Variants in PCDH15 observed in about 807,000 individuals in gnomAD.
PCDH15 encodes protocadherin related 15.
In PCDH15, 129 loss-of-function variants were observed where a neutral mutation model predicts 178.5. The ratio of observed to expected loss-of-function variants is 0.72; its 90% confidence interval spans 0.63 to 0.84. PCDH15 has a LOEUF of 0.84. PCDH15 is among the 40% of genes least tolerant of loss of function. The pLI is 0.00. For synonymous variants in PCDH15, 800 were observed against 732.0 expected (o/e 1.09, Z -1.50); for missense variants, 2,230 against 2,099.9 (o/e 1.06, Z -1.21).
At chr10:55,603,590 C>G (rs572513455) in intron 2 of PCDH15, among the ~76,000 whole-genome samples, 6 of 151,828 alleles carry the variant, frequency 4.0e-5, no homozygotes, top group South Asian at 2.1e-4. Context: ...GGCCAATATT[C>G]AACATTCTTA....
chr10:53,995,514 A>G, intron 21 of PCDH15, 135 bp downstream of exon 21: 2 of 1,510,558 alleles, frequency 1.3e-6, no homozygotes, highest in Non-Finnish European at 1.8e-6. Flanking sequence ...AAATAAGTAA[A>G]AGAACATAAA....
At chr10:54,375,971 T>G (rs1948367755) in intron 4 of PCDH15, among the ~76,000 whole-genome samples, 1 of 151,398 alleles carries the variant, frequency 6.6e-6, no homozygotes, top group Non-Finnish European at 1.5e-5. Context: ...CTTGGTTCAC[T>G]GCAACCTCCG....
chr10:55,162,763 A>G (rs1471178205), intron 2 of PCDH15, among the ~76,000 whole-genome samples: 1 of 152,026 alleles, frequency 6.6e-6, no homozygotes, highest in Non-Finnish European at 1.5e-5. Flanking sequence ...ATGTCTTCCT[A>G]TTGTCAATGG....
chr10:54,277,939 A>G (rs904725234), intron 8 of PCDH15, among the ~76,000 whole-genome samples: 1 of 151,566 alleles, frequency 6.6e-6, no homozygotes, highest in African/African-American at 2.4e-5. Flanking sequence ...AAAATAGCAC[A>G]CATTTGTAAT....
intron 2 of PCDH15, among the ~76,000 whole-genome samples, chr10:54,594,109 C>T (rs890275080): frequency 1.3e-5 from 2 of 152,032 alleles, no homozygotes; most frequent in African/African-American, 2.4e-5. Context: ...GTGAGTTGAA[C>T]AGAAATGAGC....
At chr10:53,916,167 T>C (rs1383934676) in intron 25 of PCDH15, among the ~76,000 whole-genome samples, 5 of 152,332 alleles carry the variant, frequency 3.3e-5, no homozygotes, top group Admixed American at 3.3e-4. Context: ...TGCATGTTCA[T>C]TGTAGACACA....
chr10:53,941,314 C>T (rs1273813512), intron 23 of PCDH15, among the ~76,000 whole-genome samples: 1 of 152,080 alleles, frequency 6.6e-6, no homozygotes, highest in Non-Finnish European at 1.5e-5. Flanking sequence ...ATCCTCTGTG[C>T]CCTGTATATT....
intron 1 of PCDH15, among the ~76,000 whole-genome samples, chr10:54,794,517 A>C (rs1951768749): frequency 6.6e-6 from 1 of 151,864 alleles, no homozygotes; most frequent in Admixed American, 6.6e-5. Flanking sequence ...CACCAATGCA[A>C]CTATAGCTAA....
At chr10:55,386,334 G>A (rs975958522) in intron 2 of PCDH15, among the ~76,000 whole-genome samples, 2 of 151,778 alleles carry the variant, frequency 1.3e-5, no homozygotes, top group Admixed American at 1.3e-4. Flanking sequence ...CTTTCTTCAA[G>A]CCATGTATCA....
chr10:54,073,621 G>C (rs1437564686), intron 17 of PCDH15, among the ~76,000 whole-genome samples: 4 of 152,148 alleles, frequency 2.6e-5, no homozygotes, highest in African/African-American at 4.8e-5. Context: ...TATTACAAGT[G>C]TTCAGACTGA....
At chr10:54,620,915 GATTT>G (rs1390532777) in intron 2 of PCDH15, among the ~76,000 whole-genome samples, 2 of 151,798 alleles carry the variant, frequency 1.3e-5, no homozygotes, top group South Asian at 2.1e-4. Context: ...CATAAAAGAA[GATTT>G]ATTACTATTT....
At chr10:55,027,849 AT>A (rs1019160564) in intron 2 of PCDH15, among the ~76,000 whole-genome samples, 1 of 151,812 alleles carries the variant, frequency 6.6e-6, no homozygotes, top group African/African-American at 2.4e-5. Context: ...ATATTTTAAT[AT>A]TTTTCAATAT....
chr10:54,228,609 A>G (rs2053717669), intron 9 of PCDH15, among the ~76,000 whole-genome samples: 1 of 152,164 alleles, frequency 6.6e-6, no homozygotes, highest in Non-Finnish European at 1.5e-5. Context: ...CAGGGGAGTC[A>G]TTGGTATAAG....
At chr10:54,128,601 A>G (rs1054923881) in intron 15 of PCDH15, among the ~76,000 whole-genome samples, 1 of 152,178 alleles carries the variant, frequency 6.6e-6, no homozygotes, top group African/African-American at 2.4e-5. Flanking sequence ...TGGACTAGCA[A>G]CAATTTCAAC....
intron 5 of PCDH15, among the ~76,000 whole-genome samples, chr10:54,351,660 C>T (rs971436605): frequency 6.6e-6 from 1 of 152,176 alleles, no homozygotes; most frequent in Non-Finnish European, 1.5e-5. Context: ...CCTCGGACAA[C>T]CTCACTTTTA....
chr10:54,666,617 A>T (rs1245663582), intron 1 of PCDH15, among the ~76,000 whole-genome samples: 4 of 152,054 alleles, frequency 2.6e-5, no homozygotes, highest in Admixed American at 6.6e-5. Flanking sequence ...AAGAAATAAA[A>T]CAATGTTATT....
chr10:53,921,859 A>G (rs1358182281), intron 25 of PCDH15, among the ~76,000 whole-genome samples: 1 of 152,122 alleles, frequency 6.6e-6, no homozygotes, highest in Non-Finnish European at 1.5e-5. Context: ...GGAATGACCA[A>G]TTTAGTTCAT....
intron 2 of PCDH15, among the ~76,000 whole-genome samples, chr10:55,424,789 A>G (rs1395402501): frequency 6.6e-6 from 1 of 152,120 alleles, no homozygotes; most frequent in Non-Finnish European, 1.5e-5. Context: ...ATAGTTTTCC[A>G]GAAGTGCCAA....
At chr10:53,880,858 C>T (rs972952465) in intron 26 of PCDH15, among the ~76,000 whole-genome samples, 1 of 151,886 alleles carries the variant, frequency 6.6e-6, no homozygotes, top group Non-Finnish European at 1.5e-5. Flanking sequence ...TCTGTCTCCT[C>T]GAATTTATAT....
Sources: allele counts gnomAD v4.1 joint callset (sites outside exome capture counted in the v4.1 genomes callset), GRCh38; gene constraint gnomAD v4.1.1; transcripts MANE v1.5; gene names NCBI Gene and HGNC (gene_info 2026-07-23, HGNC 2026-07-21).